GDNF: variants seen among roughly 807,000 people sequenced by gnomAD.
GDNF encodes glial cell line-derived neurotrophic factor.
In GDNF, 5 loss-of-function variants were observed where a neutral mutation model predicts 13.7. The observed-to-expected ratio is 0.36, with a 90% CI of 0.19 to 0.77. GDNF has a LOEUF of 0.77. Ranked by LOEUF, GDNF falls within the 30% of genes least tolerant of loss-of-function variation. The pLI is 0.51. For missense variants in GDNF, 246 were observed against 274.3 expected, an observed-to-expected ratio of 0.90 and a Z score of 0.73; for synonymous variants, 122 against 112.5, an observed-to-expected ratio of 1.08 and a Z score of -0.53.
chr5:37,834,792 T>G lies in GDNF; in HGVS notation c.5A>C (p.Lys2Thr). The G allele has an allele frequency of 6.2e-7, 1 of 1,612,714 alleles. No homozygotes were observed. Among genetic ancestry groups the G allele is most frequent in the East Asian group, 2.2e-5 (1 of 44,776 alleles). M[K>T]LWDVVAVCLV... ...GCAGACAGCCACGACATCCCATAACTTCATCTTAAAGTCCCGTCCGGCGGC... is the reference window on the plus strand; with the variant it reads ...GCAGACAGCCACGACATCCCATAACGTCATCTTAAAGTCCCGTCCGGCGGC... The change falls in exon 2 of 3, where the codon AAG becomes ACG. Residue 2 changes from lysine to threonine, a missense_variant. Physicochemically the swap from Lys to Thr is moderately conservative, Grantham distance 78. Transcript: ENST00000326524.
rs1349926900 is a variant in GDNF at position 37,837,621 on chromosome 5, T to C, written c.-27+1886A>G. On this transcript the variant is annotated intron_variant, in intron 1 of 2. Coordinates refer to ENST00000326524, the MANE Select transcript of GDNF (RefSeq NM_000514.4). The surrounding 1 kb of genome is among the most constrained non-coding windows in gnomAD (Gnocchi z 6.5). The stretch of plus-strand genomic sequence containing the variant: ...CCCACGCGGCCCGGAGGCTGTGTTA[T>C]CATTTTAGTTATAAAACCGGAGAAC... 6.6e-6 allele frequency among the ~76,000 whole-genome samples: 1 copy of C among 152,200 alleles called. No homozygotes were observed. The highest frequency in any genetic ancestry group is 1.5e-5 in the Non-Finnish European group (1 of 68,038).
intron 2 of GDNF, among the ~76,000 whole-genome samples, chr5:37,822,754 G>A (rs1368931121): frequency 6.6e-6 from 1 of 152,072 alleles, no homozygotes; most frequent in Non-Finnish European, 1.5e-5. Context: ...ACACATGCGT[G>A]CATACATATG....
chr5:37,836,816 A>T (rs531619501), intron 1 of GDNF, among the ~76,000 whole-genome samples: 32 of 152,346 alleles, frequency 2.1e-4, no homozygotes, highest in Non-Finnish European at 3.7e-4. Context: ...CCGTCTTAAG[A>T]GGGTTTTCCC....
chr5:37,831,230 G>A (rs923054066), intron 2 of GDNF, among the ~76,000 whole-genome samples: 1 of 152,188 alleles, frequency 6.6e-6, no homozygotes, highest in Non-Finnish European at 1.5e-5. Context: ...TTACTGGACT[G>A]AGGTTCTTTC....
chr5:37,832,078 G>A (rs568159795), intron 2 of GDNF, among the ~76,000 whole-genome samples: 19 of 152,290 alleles, frequency 1.2e-4, no homozygotes, highest in East Asian at 3.9e-4. Context: ...TGGAACCAGC[G>A]GAACACATGC....
intron 1 of GDNF, among the ~76,000 whole-genome samples, chr5:37,836,952 G>C (rs1340785714): frequency 6.6e-6 from 1 of 152,236 alleles, no homozygotes; most frequent in Non-Finnish European, 1.5e-5. Flanking sequence ...GGAGGCTCCC[G>C]GCTGCGGTTC....
At chr5:37,818,130 A>G (rs946334636) in intron 2 of GDNF, among the ~76,000 whole-genome samples, 1 of 152,140 alleles carries the variant, frequency 6.6e-6, no homozygotes, top group African/African-American at 2.4e-5. Flanking sequence ...CGGCTGGGTC[A>G]TTCTTCATTG....
intron 1 of GDNF, chr5:37,835,916 C>A: frequency 1.8e-6 from 1 of 549,842 alleles, no homozygotes; most frequent in Non-Finnish European, 3.3e-6. Flanking sequence ...CTCTGTTTGG[C>A]TTCTCAATCC....
chr5:37,836,350 G>A (rs1463777681), intron 1 of GDNF, among the ~76,000 whole-genome samples: 1 of 152,086 alleles, frequency 6.6e-6, no homozygotes, highest in African/African-American at 2.4e-5. Context: ...CTGTCCCGGT[G>A]CAGGCAACCC....
chr5:37,815,940 C>T lies in GDNF; in HGVS notation c.347G>A (p.Arg116Gln), dbSNP rs772460903. The T allele has an allele frequency of 8.9e-5, 144 of 1,614,060 alleles. 1 individual carries two copies. The highest frequency in any genetic ancestry group is 3.8e-4 in the East Asian group (17 of 44,898). The change falls in exon 3 of 3, where the codon CGG becomes CAG. Residue 116 changes from arginine to glutamine, a missense_variant. Transcript: ENST00000326524. The surrounding 1 kb of genome is among the most constrained non-coding windows in gnomAD (Gnocchi z 5.0). ...KGRRGQRGKN[R>Q]GCVLTAIHLN... Reference sequence around the variant, plus strand: ...ATGTATTGCAGTTAAGACACAACCCCGGTTTTTGCCCCTCTGGCCTCTCCG... The same window carrying T: ...ATGTATTGCAGTTAAGACACAACCCTGGTTTTTGCCCCTCTGGCCTCTCCG...
chr5:37,826,989 C>T (rs565597506), intron 2 of GDNF, among the ~76,000 whole-genome samples: 4 of 152,214 alleles, frequency 2.6e-5, no homozygotes, highest in African/African-American at 4.8e-5. Context: ...GGACATAGTG[C>T]CATGAATATG....
At chr5:37,828,049 T>C (rs1750389700) in intron 2 of GDNF, among the ~76,000 whole-genome samples, 1 of 152,236 alleles carries the variant, frequency 6.6e-6, no homozygotes, top group South Asian at 2.1e-4. Context: ...TTGCCTCTAC[T>C]GAGCTAACCA....
chr5:37,831,304 C>T (rs936956886), intron 2 of GDNF, among the ~76,000 whole-genome samples: 3 of 152,122 alleles, frequency 2.0e-5, no homozygotes, highest in African/African-American at 7.2e-5. Flanking sequence ...ATGAGGGCAG[C>T]GACTTTTGTT....
chr5:37,821,329 G>A (rs1279110647), intron 2 of GDNF, among the ~76,000 whole-genome samples: 2 of 152,070 alleles, frequency 1.3e-5, no homozygotes, highest in East Asian at 3.8e-4. Flanking sequence ...ACTTACTGGC[G>A]CATCTCTGTC....
intron 2 of GDNF, among the ~76,000 whole-genome samples, chr5:37,831,501 C>T (rs1243586608): frequency 6.6e-6 from 1 of 152,164 alleles, no homozygotes; most frequent in Non-Finnish European, 1.5e-5. Context: ...ATGAACTAAC[C>T]TTCAATAAAT....
chr5:37,834,669 G>A lies in GDNF; in HGVS notation c.128C>T (p.Ala43Val), dbSNP rs1394372478. 6.2e-7 allele frequency: 1 copy of A among 1,603,838 alleles called. No individual in the cohort carries two copies. The highest frequency in any genetic ancestry group is 2.2e-5 in the East Asian group (1 of 44,544). Residue 43 changes from alanine (A) to valine (V), a missense_variant, in exon 2 of 3, where the codon GCG becomes GTG. Coordinates refer to ENST00000326524, the MANE Select transcript of GDNF (RefSeq NM_000514.4). ...AEDRSLGRRR[A>V]PFALSSDSNM... ...ACAGTCACTGCTCAGCGCGAAGGGC[G>A]CGCGGCGGCGGCCGAGGGAGCGGTC... is the stretch of plus-strand genomic sequence containing the variant.
intron 2 of GDNF, among the ~76,000 whole-genome samples, chr5:37,830,721 C>T (rs1180220196): frequency 6.6e-6 from 1 of 152,204 alleles, no homozygotes; most frequent in Non-Finnish European, 1.5e-5. Context: ...AAAGCAATAT[C>T]TAAGTTAACC....
Position 37,816,927 on chromosome 5 carries a change from C to T in GDNF, c.152-792G>A, listed in dbSNP as rs534865332. Among the ~76,000 whole-genome samples, 270 of 152,266 alleles carry T rather than the reference C, an allele frequency of 1.8e-3. 1 individual carries two copies. The highest frequency in any genetic ancestry group is 6.3e-3 in the African/African-American group (262 of 41,558). ...TTTACTAACAAAAAGACTAATTTAC[C>T]GCTTCCTTTGAACAGCATGACTTTA... On this transcript the variant is annotated intron_variant, in intron 2 of 2. Coordinates refer to ENST00000326524, the MANE Select transcript of GDNF (RefSeq NM_000514.4).
intron 2 of GDNF, among the ~76,000 whole-genome samples, chr5:37,832,199 T>C (rs1479129716): frequency 3.9e-5 from 6 of 152,252 alleles, no homozygotes; most frequent in Non-Finnish European, 8.8e-5. Context: ...AAGTTACAAG[T>C]ATTTGGATGG....
Sources: gnomAD v4.1 joint callset for allele counts (sites outside exome capture counted in the v4.1 genomes callset) on GRCh38, gnomAD v4.1.1 for gene constraint, Gnocchi (gnomAD v3.1) non-coding constraint, MANE v1.5 for transcripts, NCBI Gene and HGNC (gene_info 2026-07-23, HGNC 2026-07-21) for gene names.